Variants in NKAIN2 observed in about 807,000 individuals in gnomAD.
The protein encoded by NKAIN2 is sodium/potassium-transporting ATPase subunit beta-1-interacting protein 2.
NKAIN2 carries 14 observed loss-of-function variants against 32.6 expected under a neutral mutation model. The ratio of observed to expected loss-of-function variants is 0.43; its 90% confidence interval spans 0.28 to 0.67. NKAIN2 has a LOEUF of 0.67. Among genes scored for constraint, NKAIN2 ranks in the 30% least tolerant of loss-of-function variants. The pLI is 0.17. For missense variants in NKAIN2, 198 were observed against 258.3 expected, an observed-to-expected ratio of 0.77 and a Z score of 1.60; for synonymous variants, 80 against 87.2, an observed-to-expected ratio of 0.92 and a Z score of 0.46.
chr6:123,899,022 A>G (rs1446387780), intron 1 of NKAIN2, among the ~76,000 whole-genome samples: 5 of 152,216 alleles, frequency 3.3e-5, no homozygotes, highest in African/African-American at 9.6e-5. Flanking sequence ...GGATGTGCAC[A>G]GAGGTGGGTC....
intron 1 of NKAIN2, among the ~76,000 whole-genome samples, chr6:123,963,234 C>T (rs1777930535): frequency 2.0e-5 from 3 of 151,998 alleles, no homozygotes; most frequent in Non-Finnish European, 4.4e-5. Flanking sequence ...GTTTTCTAGG[C>T]AATTTTTAAT....
At chr6:124,031,132 T>A (rs1253836184) in intron 1 of NKAIN2, among the ~76,000 whole-genome samples, 1 of 152,164 alleles carries the variant, frequency 6.6e-6, no homozygotes, top group African/African-American at 2.4e-5. Flanking sequence ...AAATATTTAG[T>A]ATGCTAAATG....
intron 3 of NKAIN2, among the ~76,000 whole-genome samples, chr6:124,611,189 G>A (rs1293038764): frequency 6.6e-6 from 1 of 151,978 alleles, no homozygotes; most frequent in Non-Finnish European, 1.5e-5. Context: ...ACTGGTATTA[G>A]TGTAGTCATC....
At chr6:124,331,955 T>C (rs1409625510) in intron 2 of NKAIN2, among the ~76,000 whole-genome samples, 1 of 152,194 alleles carries the variant, frequency 6.6e-6, no homozygotes, top group Non-Finnish European at 1.5e-5. Context: ...TTTTAAACTT[T>C]TCAGCATTGA....
chr6:123,947,634 A>G (rs577181730), intron 1 of NKAIN2, among the ~76,000 whole-genome samples: 1 of 152,216 alleles, frequency 6.6e-6, no homozygotes, highest in Non-Finnish European at 1.5e-5. Flanking sequence ...TATTGATACA[A>G]ATATTTGTAC....
At chr6:124,740,020 A>T (rs1284553282) in intron 4 of NKAIN2, among the ~76,000 whole-genome samples, 3 of 151,872 alleles carry the variant, frequency 2.0e-5, no homozygotes, top group Admixed American at 1.3e-4. Flanking sequence ...GCCTGGAGAG[A>T]CACTTGTTTA....
chr6:124,437,903 G>C (rs1396460429), intron 3 of NKAIN2: 2 of 368,696 alleles, frequency 5.4e-6, no homozygotes, highest in Non-Finnish European at 1.0e-5. Flanking sequence ...TTAACCCCAG[G>C]TAACGGTCTG....
At chr6:124,026,881 C>G (rs1355718042) in intron 1 of NKAIN2, among the ~76,000 whole-genome samples, 2 of 152,160 alleles carry the variant, frequency 1.3e-5, no homozygotes, top group Non-Finnish European at 2.9e-5. Context: ...ACTTCACTTT[C>G]ACTATTCAAC....
At chr6:124,726,595 C>G (rs1202429204) in intron 4 of NKAIN2, among the ~76,000 whole-genome samples, 6 of 149,644 alleles carry the variant, frequency 4.0e-5, no homozygotes, top group African/African-American at 1.5e-4. Flanking sequence ...GATAAAACCA[C>G]AAAGATGGGG....
At chr6:124,620,717 G>C (rs1783074277) in intron 3 of NKAIN2, among the ~76,000 whole-genome samples, 1 of 152,164 alleles carries the variant, frequency 6.6e-6, no homozygotes, top group South Asian at 2.1e-4. Flanking sequence ...AGTGTGTATG[G>C]TCAGGATAAA....
chr6:123,862,311 C>G lies in NKAIN2; in HGVS notation c.54+58057C>G, dbSNP rs549847339. Among the ~76,000 whole-genome samples, 5 of 152,214 alleles carry G rather than the reference C, an allele frequency of 3.3e-5. No homozygotes were observed. The East Asian group carries it at 9.7e-4, about 29-fold the overall frequency. ...TTCTCCAGTGACCCTGCAGCCAATC[C>G]TTTGCAAACTCAGTTTTTTAGTTTT... On this transcript the variant is annotated intron_variant, in intron 1 of 6. Transcript: ENST00000368417.
intron 4 of NKAIN2, among the ~76,000 whole-genome samples, chr6:124,785,463 A>C (rs1429854731): frequency 6.6e-6 from 1 of 152,090 alleles, no homozygotes; most frequent in Non-Finnish European, 1.5e-5. Context: ...AGTAATTTTT[A>C]ATTGAAACAT....
chr6:124,227,961 A>G (rs903272929), intron 1 of NKAIN2, among the ~76,000 whole-genome samples: 9 of 152,168 alleles, frequency 5.9e-5, no homozygotes, highest in African/African-American at 1.7e-4. Flanking sequence ...TCAGGGTGCT[A>G]GCATGGTTGG....
intron 3 of NKAIN2, among the ~76,000 whole-genome samples, chr6:124,405,528 T>C (rs1348943143): frequency 1.3e-5 from 2 of 149,834 alleles, no homozygotes; most frequent in Non-Finnish European, 3.0e-5. Context: ...TAAAAACCTT[T>C]TGTTTTGTCT....
chr6:123,982,385 A>C (rs1315802886), intron 1 of NKAIN2, among the ~76,000 whole-genome samples: 1 of 152,218 alleles, frequency 6.6e-6, no homozygotes, highest in Non-Finnish European at 1.5e-5. Flanking sequence ...AAGAAAGGTG[A>C]CTTTAGGTTA....
chr6:124,119,261 C>A (rs1186462585), intron 1 of NKAIN2, among the ~76,000 whole-genome samples: 2 of 152,128 alleles, frequency 1.3e-5, no homozygotes, highest in African/African-American at 2.4e-5. Flanking sequence ...GGGAACATTT[C>A]CCCCTTGCCC....
intron 3 of NKAIN2, among the ~76,000 whole-genome samples, chr6:124,488,764 A>C (rs1214260730): frequency 6.6e-6 from 1 of 151,978 alleles, no homozygotes; most frequent in Non-Finnish European, 1.5e-5. Context: ...CAATATAATA[A>C]AGCTATCATC....
chr6:124,355,189 C>A (rs956163518), intron 2 of NKAIN2, 78 bp from the exon 3 acceptor site: 2 of 904,140 alleles, frequency 2.2e-6, no homozygotes, highest in East Asian at 4.9e-5. Context: ...TTAGGGTGTG[C>A]GAAAGTTCGT....
At chr6:124,412,747 G>A (rs1774263129) in intron 3 of NKAIN2, among the ~76,000 whole-genome samples, 1 of 152,306 alleles carries the variant, frequency 6.6e-6, no homozygotes, top group Non-Finnish European at 1.5e-5. Context: ...GCTGTCTTTT[G>A]TTTGTCTGTG....
Sources: allele counts gnomAD v4.1 joint callset (sites outside exome capture counted in the v4.1 genomes callset), GRCh38; gene constraint gnomAD v4.1.1; transcripts MANE v1.5; gene names NCBI Gene and HGNC (gene_info 2026-07-23, HGNC 2026-07-21).